EVL: variants seen among roughly 807,000 people sequenced by gnomAD.
EVL encodes Enah/Vasp-like.
In EVL, 21 loss-of-function variants were observed where a neutral mutation model predicts 59.6. The ratio of observed to expected loss-of-function variants is 0.35; its 90% CI spans 0.25 to 0.51. EVL has a LOEUF of 0.51. Ranked by LOEUF, EVL falls within the 20% of genes least tolerant of loss-of-function variation. The pLI, the probability that EVL is intolerant of heterozygous loss-of-function variation, is 0.97. For synonymous variants in EVL, 198 were observed against 203.5 expected (o/e 0.97, Z 0.23); for missense variants, 462 against 546.6 (o/e 0.85, Z 1.54).
chr14:100,121,438 AGGACT>A (rs1426738879), intron 3 of EVL, among the ~76,000 whole-genome samples: 1 of 152,214 alleles, frequency 6.6e-6, no homozygotes, highest in African/African-American at 2.4e-5. Flanking sequence ...CTAAAACAAA[AGGACT>A]GTACTTTTAT....
At chr14:100,143,028 G>A (rs61984558) in intron 13 of EVL, among the ~76,000 whole-genome samples, 4,226 of 152,316 alleles carry the variant, frequency 0.028, 87 homozygotes, top group Non-Finnish European at 0.04. Flanking sequence ...TCTTGGCCCA[G>A]CAAGGTCCAT....
intron 1 of EVL, among the ~76,000 whole-genome samples, chr14:100,070,412 G>T (rs1359919898): frequency 6.6e-6 from 1 of 152,222 alleles, no homozygotes; most frequent in African/African-American, 2.4e-5. Flanking sequence ...AATTTGCAGA[G>T]TCAAGGGTAG....
At chr14:100,010,140 T>G (rs951076335) in intron 1 of EVL, among the ~76,000 whole-genome samples, 7 of 152,146 alleles carry the variant, frequency 4.6e-5, no homozygotes, top group Admixed American at 1.3e-4. Flanking sequence ...GAATGCAGAT[T>G]TTTCCCACAA....
At chr14:100,123,744 A>C in intron 4 of EVL, 142 bp downstream of exon 4, 3 of 760,738 alleles carry the variant, frequency 3.9e-6, no homozygotes, top group Non-Finnish European at 2.1e-6. Flanking sequence ...GCAAGGTGCA[A>C]GCCAGACCAG....
intron 1 of EVL, among the ~76,000 whole-genome samples, chr14:100,079,473 C>T (rs1272697242): frequency 6.6e-6 from 1 of 152,174 alleles, no homozygotes; most frequent in East Asian, 1.9e-4. Flanking sequence ...GTGGTGCAGA[C>T]ACCTCAGCAG....
intron 8 of EVL, among the ~76,000 whole-genome samples, chr14:100,134,444 C>T (rs1888640701): frequency 6.6e-6 from 1 of 152,200 alleles, no homozygotes; most frequent in Non-Finnish European, 1.5e-5. Flanking sequence ...CTCAGACCCC[C>T]ATCTTTTCTG....
At position 99,972,956 on chromosome 14, in the gene EVL, G is replaced by T. The variant is rs117085297; in HGVS notation, c.5+899G>T. On this transcript the variant is annotated intron_variant, in intron 1 of 13. Coordinates refer to the EVL transcript ENST00000402714. This position sits in a 1 kb window ranked among gnomAD's most constrained non-coding sequence, Gnocchi z 4.4. ...GTCTGGTGTTTTTCAAGATGTTTTC[G>T]AGATCCATTCCGTTGTAATCGTTAT... is the stretch of plus-strand genomic sequence containing the variant. Among the ~76,000 whole-genome samples, 1,803 of 152,108 alleles carry T rather than the reference G, an allele frequency of 0.012. 13 individuals carry two copies. The highest frequency in any genetic ancestry group is 0.055 in the Middle Eastern group (16 of 292).
chr14:100,080,221 G>A (rs2062266677), intron 1 of EVL, among the ~76,000 whole-genome samples: 1 of 152,158 alleles, frequency 6.6e-6, no homozygotes, highest in Non-Finnish European at 1.5e-5. Context: ...AATAGCTGAT[G>A]AGCTTTTAAA....
At chr14:100,042,740 G>C (rs1410265397) in intron 1 of EVL, among the ~76,000 whole-genome samples, 1 of 152,226 alleles carries the variant, frequency 6.6e-6, no homozygotes, top group Admixed American at 6.5e-5. Context: ...TACAACGTTT[G>C]TGGAGGCTAA....
rs1318423496 is a variant in EVL at position 100,082,500 on chromosome 14, A to G, written c.12-2187A>G. On this transcript the variant is annotated intron_variant, in intron 1 of 13. Coordinates refer to ENST00000392920, the MANE Select transcript of EVL (RefSeq NM_016337.3). ...GTGACTCTGGAGAGAAGCGAGTGGC[A>G]TGTCACTCAGAACAAGGAGGGGTTG... 2.0e-5 allele frequency among the ~76,000 whole-genome samples: 3 copies of G among 152,178 alleles called. No homozygotes were observed. In the South Asian group the frequency reaches 6.2e-4, roughly 32 times the overall value.
intron 1 of EVL, among the ~76,000 whole-genome samples, chr14:100,077,900 G>A (rs2062199687): frequency 6.6e-6 from 1 of 152,116 alleles, no homozygotes; most frequent in African/African-American, 2.4e-5. Context: ...AGCCTCCGGA[G>A]TAGCTGGGAC....
chr14:100,122,816 GCCT>G (rs1887783566), intron 3 of EVL, among the ~76,000 whole-genome samples: 1 of 152,232 alleles, frequency 6.6e-6, no homozygotes, highest in Non-Finnish European at 1.5e-5. Flanking sequence ...CCCAGCTCCA[GCCT>G]CCTCTGAACA....
intron 1 of EVL, among the ~76,000 whole-genome samples, chr14:100,026,927 A>T (rs1032661620): frequency 6.6e-6 from 1 of 152,130 alleles, no homozygotes; most frequent in African/African-American, 2.4e-5. Flanking sequence ...TCTTTGATAG[A>T]TGATGGTGGG....
At position 100,114,228 on chromosome 14, in the gene EVL, A is replaced by G. The variant is rs1015954990; in HGVS notation, c.359-9311A>G. Among the ~76,000 whole-genome samples, 2 of 151,956 alleles carry G rather than the reference A, an allele frequency of 1.3e-5. No individual in the cohort carries two copies. Among genetic ancestry groups the G allele is most frequent in the African/African-American group, 4.8e-5 (2 of 41,386 alleles). On this transcript the variant is annotated intron_variant, in intron 3 of 13. Transcript: ENST00000392920. The surrounding 1 kb of genome is among the most constrained non-coding windows in gnomAD (Gnocchi z 5.0). Reference sequence around the variant, plus strand: ...GCGGGTGCCAACTTGGTTTTCCCATACCAAAGTTTGGGGTGGTGCCAAATT... The same window carrying G: ...GCGGGTGCCAACTTGGTTTTCCCATGCCAAAGTTTGGGGTGGTGCCAAATT...
chr14:100,129,809 G>A (rs1257149423), intron 7 of EVL, 125 bp downstream of exon 7: 4 of 1,359,392 alleles, frequency 2.9e-6, no homozygotes, highest in South Asian at 1.5e-5. Flanking sequence ...AGCCAAGCAG[G>A]GGAAACTGTT....
chr14:100,094,241 C>T (rs1039157705), intron 2 of EVL, among the ~76,000 whole-genome samples: 2 of 152,130 alleles, frequency 1.3e-5, no homozygotes, highest in Non-Finnish European at 2.9e-5. Context: ...GTAAAAAGAG[C>T]GGATTGAGTT....
intron 3 of EVL, chr14:100,106,976 G>A (rs1466344788): frequency 2.5e-6 from 1 of 398,590 alleles, no homozygotes; most frequent in Admixed American, 4.4e-5. Flanking sequence ...TGGTCTAGCA[G>A]GAAGAGTGCA....
intron 1 of EVL, among the ~76,000 whole-genome samples, chr14:100,071,386 G>A (rs949645360): frequency 1.3e-5 from 2 of 152,146 alleles, no homozygotes; most frequent in Non-Finnish European, 2.9e-5. Flanking sequence ...GATCAGAACT[G>A]TATTTATAAT....
intron 3 of EVL, among the ~76,000 whole-genome samples, chr14:100,099,485 CT>C (rs1886057622): frequency 6.6e-6 from 1 of 152,304 alleles, no homozygotes; most frequent in South Asian, 2.1e-4. Context: ...AGAGCAGGTA[CT>C]GGCAGCTTTC....
Sources: gnomAD v4.1 joint callset for allele counts (sites outside exome capture counted in the v4.1 genomes callset) on GRCh38, gnomAD v4.1.1 for gene constraint, Gnocchi (gnomAD v3.1) non-coding constraint, MANE v1.5 for transcripts, NCBI Gene and HGNC (gene_info 2026-07-23, HGNC 2026-07-21) for gene names.